CORO2B: variants seen among roughly 807,000 people sequenced by gnomAD.
The protein encoded by CORO2B is coronin-2B.
CORO2B carries 26 observed loss-of-function variants against 58.8 expected under a neutral mutation model. The ratio of observed to expected loss-of-function variants is 0.44; its 90% CI spans 0.32 to 0.61. The LOEUF is 0.61. Among genes scored for constraint, CORO2B ranks in the 20% least tolerant of loss-of-function variants. The probability of loss-of-function intolerance (pLI) is 0.04; values close to 1 mark genes in which losing one functional copy is unlikely to be tolerated. For synonymous variants in CORO2B, 242 were observed against 253.8 expected, an observed-to-expected ratio of 0.95 and a Z score of 0.44; for missense variants, 460 against 645.1, an observed-to-expected ratio of 0.71 and a Z score of 3.11.
intron 2 of CORO2B, among the ~76,000 whole-genome samples, chr15:68,673,423 TAGG>T (rs1371347271): frequency 6.6e-6 from 1 of 151,486 alleles, no homozygotes; most frequent in Non-Finnish European, 1.5e-5. Context: ...GAGGCTGAGG[TAGG>T]AGAATTGCTT....
chr15:68,625,804 C>A (rs911375948), intron 1 of CORO2B, among the ~76,000 whole-genome samples: 1 of 151,942 alleles, frequency 6.6e-6, no homozygotes, highest in Admixed American at 6.6e-5. Flanking sequence ...GGGGTTTCAC[C>A]ATGTTGCCCA....
chr15:68,532,092 C>T, the CORO2B span, among the ~76,000 whole-genome samples: 26 of 152,014 alleles, frequency 1.7e-4, no homozygotes, highest in Non-Finnish European at 2.1e-4. Context: ...TTAAAAGTTT[C>T]ATTACTAATT....
intron 1 of CORO2B, among the ~76,000 whole-genome samples, chr15:68,604,692 A>G (rs1900064184): frequency 6.6e-6 from 1 of 151,956 alleles, no homozygotes; most frequent in African/African-American, 2.4e-5. Context: ...ATCAGAAATC[A>G]CACCTTCTGA....
At chr15:68,633,304 C>T (rs991151592) in intron 1 of CORO2B, among the ~76,000 whole-genome samples, 3 of 152,066 alleles carry the variant, frequency 2.0e-5, no homozygotes, top group Admixed American at 6.6e-5. Context: ...CCTAAATTAA[C>T]TACTGGATTC....
intron 1 of CORO2B, among the ~76,000 whole-genome samples, chr15:68,624,749 A>G (rs1190837197): frequency 6.6e-6 from 1 of 151,564 alleles, no homozygotes. Flanking sequence ...CTGGAGTGCA[A>G]TGGCATGATC....
chr15:68,568,412 C>T, the CORO2B span, among the ~76,000 whole-genome samples: 566 of 152,240 alleles, frequency 3.7e-3, 1 homozygote, highest in Non-Finnish European at 5.8e-3. Flanking sequence ...TCATTTCCAT[C>T]ATCATCACTA....
the CORO2B span, among the ~76,000 whole-genome samples, chr15:68,557,450 C>A: frequency 6.6e-6 from 1 of 151,988 alleles, no homozygotes; most frequent in Admixed American, 6.6e-5. Context: ...AAAGTCATAA[C>A]AAGGTCAAGG....
In CORO2B at chr15:68,645,192, G is replaced by T; in HGVS notation, c.48G>T (p.Lys16Asn). The change falls in exon 2 of 12, where the codon AAG becomes AAT. Residue 16 changes from lysine (K) to asparagine (N), a missense_variant. By Grantham distance (94) the Lys-to-Asn change is moderately conservative (BLOSUM62 0). Transcript: ENST00000261861. This position sits in a 1 kb window ranked among gnomAD's most constrained non-coding sequence, Gnocchi z 4.5. Reference protein sequence around the residue: ...MSWRPQYRSSKFRNVYGKVAN... With the variant: ...MSWRPQYRSSNFRNVYGKVAN... ...GGCGTCCGCAATACCGTAGCTCCAA[G>T]TTCCGGAATGTCTACGGGAAGGTGG... 6.2e-7 allele frequency: 1 copy of T among 1,614,194 alleles called. No individual in the cohort carries two copies. The highest frequency in any genetic ancestry group is 8.5e-7 in the Non-Finnish European group (1 of 1,180,044).
chr15:68,649,113 G>A (rs1901551508), intron 2 of CORO2B, among the ~76,000 whole-genome samples: 1 of 152,122 alleles, frequency 6.6e-6, no homozygotes, highest in Non-Finnish European at 1.5e-5. Flanking sequence ...CAGTAGCACT[G>A]GTCTGGAATA....
chr15:68,641,502 G>A (rs1901226346), intron 1 of CORO2B: 2 of 983,622 alleles, frequency 2.0e-6, no homozygotes, highest in African/African-American at 3.5e-5. Flanking sequence ...AGGAGAAGGG[G>A]GAGGGTGGAC....
intron 1 of CORO2B, among the ~76,000 whole-genome samples, chr15:68,585,370 C>T (rs974382682): frequency 2.0e-5 from 3 of 152,204 alleles, no homozygotes; most frequent in Admixed American, 6.5e-5. Context: ...TAATCACCAT[C>T]ATCATGATAA....
chr15:68,550,247 G>A, the CORO2B span, among the ~76,000 whole-genome samples: 1 of 152,082 alleles, frequency 6.6e-6, no homozygotes, highest in Non-Finnish European at 1.5e-5. Context: ...CCCCAAAGAC[G>A]AGCTTAAAAG....
At chr15:68,589,349 A>G (rs1275453921) in intron 1 of CORO2B, among the ~76,000 whole-genome samples, 8 of 152,234 alleles carry the variant, frequency 5.3e-5, no homozygotes, top group Non-Finnish European at 1.2e-4. Context: ...AGGGCTATGC[A>G]TGCCAGTTAG....
chr15:68,519,612 A>G, the CORO2B span, among the ~76,000 whole-genome samples: 2 of 152,126 alleles, frequency 1.3e-5, no homozygotes, highest in African/African-American at 4.8e-5. Flanking sequence ...CTTTCCAACA[A>G]CCAACTTTTG....
At chr15:68,673,082 A>C (rs955779828) in intron 2 of CORO2B, among the ~76,000 whole-genome samples, 1 of 152,194 alleles carries the variant, frequency 6.6e-6, no homozygotes, top group African/African-American at 2.4e-5. Flanking sequence ...AATGGGGGCC[A>C]CTGTGAGTGC....
chr15:68,601,343 C>G (rs978041375), intron 1 of CORO2B, among the ~76,000 whole-genome samples: 1 of 152,192 alleles, frequency 6.6e-6, no homozygotes, highest in African/African-American at 2.4e-5. Context: ...GTTGAGGGTT[C>G]CACCCGTCCC....
chr15:68,632,682 C>T (rs1201762267), intron 1 of CORO2B, among the ~76,000 whole-genome samples: 1 of 152,220 alleles, frequency 6.6e-6, no homozygotes, highest in Non-Finnish European at 1.5e-5. Context: ...CCTCCACCTC[C>T]CTGGTTTAAG....
chr15:68,568,185 C>A, the CORO2B span, among the ~76,000 whole-genome samples: 2 of 152,260 alleles, frequency 1.3e-5, no homozygotes, highest in East Asian at 3.9e-4. Context: ...CTGAGTCTTC[C>A]GGAACCTGCT....
intron 1 of CORO2B, among the ~76,000 whole-genome samples, chr15:68,633,240 G>A (rs1350786072): frequency 1.3e-5 from 2 of 151,850 alleles, no homozygotes; most frequent in African/African-American, 2.4e-5. Flanking sequence ...AGAGGGCATT[G>A]TAGGGGAACT....
Sources: allele counts gnomAD v4.1 joint callset (sites outside exome capture counted in the v4.1 genomes callset), GRCh38; gene constraint gnomAD v4.1.1; non-coding constraint Gnocchi (gnomAD v3.1); transcripts MANE v1.5; gene names NCBI Gene and HGNC (gene_info 2026-07-23, HGNC 2026-07-21).